PCDH15: variants seen among roughly 807,000 people sequenced by gnomAD.
The protein encoded by PCDH15 is protocadherin related 15.
In PCDH15, 129 loss-of-function variants were observed where a neutral mutation model predicts 178.5. That is an observed-to-expected ratio of 0.72 (90% CI 0.63 to 0.84). The LOEUF is 0.84. PCDH15 is among the 40% of genes least tolerant of loss of function. PCDH15 has a pLI of 0.00. For missense variants in PCDH15, 2,230 were observed against 2,099.9 expected, an observed-to-expected ratio of 1.06 and a Z score of -1.21; for synonymous variants, 800 against 732.0, an observed-to-expected ratio of 1.09 and a Z score of -1.50.
intron 25 of PCDH15, among the ~76,000 whole-genome samples, chr10:53,916,896 G>A (rs895416669): frequency 6.6e-6 from 1 of 151,488 alleles, no homozygotes; most frequent in East Asian, 2.0e-4. Context: ...TCTCAAGGCA[G>A]GAGGGAGAAA....
At chr10:54,519,627 G>T (rs1245663821) in intron 3 of PCDH15, among the ~76,000 whole-genome samples, 9 of 152,022 alleles carry the variant, frequency 5.9e-5, no homozygotes, top group Admixed American at 5.2e-4. Flanking sequence ...TGTGAAAATG[G>T]CCATACTGCC....
intron 5 of PCDH15, among the ~76,000 whole-genome samples, chr10:54,354,740 T>C (rs1405727332): frequency 6.6e-6 from 1 of 151,068 alleles, no homozygotes; most frequent in African/African-American, 2.5e-5. Flanking sequence ...ACACAAAATA[T>C]GTAAAAAAGG....
chr10:53,814,014 G>C (rs1473236413), intron 35 of PCDH15, among the ~76,000 whole-genome samples: 1 of 152,048 alleles, frequency 6.6e-6, no homozygotes, highest in Non-Finnish European at 1.5e-5. Context: ...AAGGAATGAG[G>C]TTAAGAAAGA....
chr10:55,504,636 T>A (rs1840724069), intron 2 of PCDH15, among the ~76,000 whole-genome samples: 1 of 151,064 alleles, frequency 6.6e-6, no homozygotes, highest in Non-Finnish European at 1.5e-5. Flanking sequence ...AAGAAAAAAA[T>A]TCACCCAAAT....
intron 25 of PCDH15, 120 bp downstream of exon 25, chr10:53,938,695 G>A (rs965675182): frequency 1.9e-6 from 2 of 1,077,912 alleles, no homozygotes; most frequent in Non-Finnish European, 2.7e-6. Context: ...TCATCTCAGA[G>A]TATTAATGAT....
At chr10:53,982,750 G>A (rs10763041) in intron 21 of PCDH15, among the ~76,000 whole-genome samples, 36,027 of 150,806 alleles carry the variant, frequency 0.24, 4,722 homozygotes, top group East Asian at 0.58. Flanking sequence ...CAGCACACCA[G>A]CATGGCACAT....
chr10:53,962,363 C>T (rs1229656246), intron 21 of PCDH15, among the ~76,000 whole-genome samples: 1 of 152,078 alleles, frequency 6.6e-6, no homozygotes, highest in African/African-American at 2.4e-5. Context: ...CAGGTGTGTG[C>T]AACCATGCTT....
At chr10:55,416,348 A>G (rs1225564852) in intron 2 of PCDH15, among the ~76,000 whole-genome samples, 1 of 151,772 alleles carries the variant, frequency 6.6e-6, no homozygotes, top group Admixed American at 6.6e-5. Context: ...TAACCATTGT[A>G]AGTAAGCCTT....
At chr10:53,998,837 A>T (rs1193231026) in intron 20 of PCDH15, among the ~76,000 whole-genome samples, 1 of 151,982 alleles carries the variant, frequency 6.6e-6, no homozygotes, top group East Asian at 1.9e-4. Context: ...GGATCACCCA[A>T]GGTCAGGAGT....
chr10:54,015,322 C>T lies in PCDH15; in HGVS notation c.2751+4870G>A, dbSNP rs141332624. 6.1e-3 allele frequency among the ~76,000 whole-genome samples: 923 copies of T among 152,134 alleles called. 6 individuals are homozygous for T. The highest frequency in any genetic ancestry group is 0.021 in the African/African-American group (871 of 41,506). ...AAAGAATCAATATCATTAAAATGGC[C>T]ATACTGCCCAAAACAAAGTACAGAT... On this transcript the variant is annotated intron_variant, in intron 20 of 37. Coordinates refer to ENST00000644397, the MANE Select transcript of PCDH15 (RefSeq NM_001384140.1).
At chr10:54,607,341 T>C (rs1161912016) in intron 2 of PCDH15, among the ~76,000 whole-genome samples, 2 of 152,102 alleles carry the variant, frequency 1.3e-5, no homozygotes, top group Non-Finnish European at 2.9e-5. Flanking sequence ...AATAATATTC[T>C]TGGTAGAGGA....
intron 2 of PCDH15, among the ~76,000 whole-genome samples, chr10:54,637,006 C>A (rs113361932): frequency 1.3e-5 from 2 of 151,510 alleles, no homozygotes; most frequent in Non-Finnish European, 2.9e-5. Context: ...GCCTTTCAAA[C>A]TTTTATGGCA....
intron 2 of PCDH15, among the ~76,000 whole-genome samples, chr10:54,947,011 A>G (rs547286297): frequency 1.3e-5 from 2 of 152,054 alleles, no homozygotes; most frequent in Admixed American, 1.3e-4. Context: ...CAAAATGTTA[A>G]TTTAATGACT....
rs1566127595 is a variant in PCDH15 at position 54,752,495 on chromosome 10, AAAAC to A, written c.-29+48426_-29+48429del. Among the ~76,000 whole-genome samples, 134 of 105,266 alleles carry A rather than the reference AAAAC, an allele frequency of 1.3e-3. 7 individuals are homozygous for A. The highest frequency in any genetic ancestry group is 0.013 in the Middle Eastern group (2 of 158). The allele number at this position is 105,266 out of a possible 152,430, so 69.1% of individuals were successfully genotyped here. A position where few individuals can be genotyped will look rare whatever the true frequency, so the allele number is the denominator to read the frequency against. ...CCGTCTCAAAAAAAAAAAAAAACAA[AAAAC>A]AAAAAACAAAAAACAAACAAACAAA... is the stretch of plus-strand genomic sequence containing the variant. On this transcript the variant is annotated intron_variant, in intron 1 of 37. Coordinates refer to ENST00000644397, the MANE Select transcript of PCDH15 (RefSeq NM_001384140.1).
chr10:54,918,241 A>G (rs1390102643), intron 2 of PCDH15, among the ~76,000 whole-genome samples: 1 of 152,128 alleles, frequency 6.6e-6, no homozygotes, highest in Non-Finnish European at 1.5e-5. Flanking sequence ...ATGAAATTAC[A>G]TTACTCTGAA....
At chr10:53,821,286 T>A in intron 32 of PCDH15, 1 of 984,958 alleles carries the variant, frequency 1.0e-6, no homozygotes, top group Non-Finnish European at 1.2e-6. Context: ...AGAAAACAGA[T>A]GACTACATGT....
At chr10:55,589,139 G>A (rs1842786199) in intron 2 of PCDH15, among the ~76,000 whole-genome samples, 1 of 150,378 alleles carries the variant, frequency 6.6e-6, no homozygotes, top group East Asian at 2.0e-4. Flanking sequence ...TCATGCCTAT[G>A]TCCTGAATGG....
At chr10:54,380,922 C>G (rs1021808999) in intron 3 of PCDH15, among the ~76,000 whole-genome samples, 3 of 150,964 alleles carry the variant, frequency 2.0e-5, no homozygotes, top group Non-Finnish European at 4.4e-5. Flanking sequence ...TGGAAAAGAT[C>G]TATAGTTTTC....
chr10:54,954,161 T>C (rs1838417825), intron 2 of PCDH15, among the ~76,000 whole-genome samples: 1 of 151,338 alleles, frequency 6.6e-6, no homozygotes, highest in Non-Finnish European at 1.5e-5. Flanking sequence ...TAGAATGTCA[T>C]TGAAGCACCA....
Sources: gnomAD v4.1 joint callset for allele counts (sites outside exome capture counted in the v4.1 genomes callset) on GRCh38, gnomAD v4.1.1 for gene constraint, MANE v1.5 for transcripts, NCBI Gene and HGNC (gene_info 2026-07-23, HGNC 2026-07-21) for gene names.